The following RBFOX1 variants were observed in gnomAD, a reference collection of about 807,000 sequenced individuals.
RBFOX1 encodes RNA binding fox-1 homolog 1.
In RBFOX1, 8 loss-of-function variants were observed where a neutral mutation model predicts 57.7. That is an observed-to-expected ratio of 0.14 (90% CI 0.08 to 0.25). The LOEUF is 0.25. Ranked by LOEUF, RBFOX1 falls within the 10% of genes least tolerant of loss-of-function variation. RBFOX1 has a pLI of 1.00. For missense variants in RBFOX1, 611 were observed against 548.5 expected, an observed-to-expected ratio of 1.11 and a Z score of -1.14; for synonymous variants, 326 against 222.4, an observed-to-expected ratio of 1.47 and a Z score of -4.15.
At chr16:6,900,424 C>T (rs554057099) in intron 3 of RBFOX1, among the ~76,000 whole-genome samples, 7 of 152,280 alleles carry the variant, frequency 4.6e-5, no homozygotes, top group African/African-American at 1.4e-4. Flanking sequence ...ATCATGCTAC[C>T]ACTATCTGCT....
chr16:7,357,151 C>T (rs1181177195), intron 4 of RBFOX1, among the ~76,000 whole-genome samples: 1 of 151,102 alleles, frequency 6.6e-6, no homozygotes, highest in Non-Finnish European at 1.5e-5. Flanking sequence ...CTGGGGCTAG[C>T]ATGTAGGAAC....
chr16:6,287,795 A>G (rs1291430907), intron 1 of RBFOX1, among the ~76,000 whole-genome samples: 1 of 152,134 alleles, frequency 6.6e-6, no homozygotes, highest in African/African-American at 2.4e-5. Context: ...ACATTTACCT[A>G]TATGTGGAGG....
At chr16:5,843,842 G>A (rs538455562) in intron 3 of RBFOX1, among the ~76,000 whole-genome samples, 1 of 152,200 alleles carries the variant, frequency 6.6e-6, no homozygotes, top group Non-Finnish European at 1.5e-5. Flanking sequence ...ACCAATGAGA[G>A]AACACAAAGA....
chr16:6,747,706 G>C (rs763181300), intron 3 of RBFOX1, among the ~76,000 whole-genome samples: 1 of 152,134 alleles, frequency 6.6e-6, no homozygotes, highest in Non-Finnish European at 1.5e-5. Flanking sequence ...TGCAAAAGCA[G>C]AAATATGTCT....
chr16:5,988,111 T>C (rs2060317977), intron 4 of RBFOX1, among the ~76,000 whole-genome samples: 1 of 152,208 alleles, frequency 6.6e-6, no homozygotes, highest in African/African-American at 2.4e-5. Context: ...CAGACCCGAT[T>C]CAATTCGCAT....
chr16:7,568,141 C>A (rs2092326716), intron 5 of RBFOX1, among the ~76,000 whole-genome samples: 1 of 151,930 alleles, frequency 6.6e-6, no homozygotes, highest in African/African-American at 2.4e-5. Context: ...CGAGGTGAAT[C>A]CATCAAGTGA....
chr16:6,466,613 G>A (rs1304864354), intron 2 of RBFOX1, among the ~76,000 whole-genome samples: 1 of 152,170 alleles, frequency 6.6e-6, no homozygotes, highest in African/African-American at 2.4e-5. Flanking sequence ...TCCATGGGCA[G>A]AATATCACAG....
chr16:7,084,750 G>A lies in RBFOX1; in HGVS notation c.27+32652G>A, dbSNP rs148312972. Among the ~76,000 whole-genome samples the A allele has an allele frequency of 4.5e-3, 684 of 152,340 alleles. 4 individuals are homozygous for A. Among genetic ancestry groups the A allele is most frequent in the African/African-American group, 0.015 (640 of 41,576 alleles). Reference sequence around the variant, plus strand: ...ACCTGTAACTCTCATTGCAGAAAATGAGCATTGAGTGAATGTAAAATGTAC... The same window carrying A: ...ACCTGTAACTCTCATTGCAGAAAATAAGCATTGAGTGAATGTAAAATGTAC... On this transcript the variant is annotated intron_variant, in intron 4 of 15. Coordinates refer to ENST00000550418, the MANE Select transcript of RBFOX1 (RefSeq NM_018723.4).
intron 4 of RBFOX1, among the ~76,000 whole-genome samples, chr16:7,500,980 C>G (rs925511678): frequency 1.3e-5 from 2 of 152,176 alleles, no homozygotes; most frequent in African/African-American, 4.8e-5. Flanking sequence ...CGGCCCTTGT[C>G]CTTCCTGCTG....
intron 3 of RBFOX1, among the ~76,000 whole-genome samples, chr16:6,729,234 C>T (rs1282468461): frequency 6.6e-6 from 1 of 152,088 alleles, no homozygotes; most frequent in Non-Finnish European, 1.5e-5. Flanking sequence ...TTGGGGTCAC[C>T]AGACCCCAGG....
intron 4 of RBFOX1, among the ~76,000 whole-genome samples, chr16:7,161,118 C>A (rs577434842): frequency 1.5e-4 from 23 of 151,624 alleles, no homozygotes; most frequent in African/African-American, 3.9e-4. Flanking sequence ...ACATCAAGAC[C>A]AACCTCTGGG....
chr16:7,165,933 TACACAC>T (rs889669390), intron 4 of RBFOX1, among the ~76,000 whole-genome samples: 15 of 143,262 alleles, frequency 1.0e-4, no homozygotes, highest in South Asian at 7.1e-4. Flanking sequence ...CGCATGCACA[TACACAC>T]ACACACACAC....
chr16:5,971,570 C>G (rs2059962488), intron 4 of RBFOX1, among the ~76,000 whole-genome samples: 1 of 152,202 alleles, frequency 6.6e-6, no homozygotes, highest in Non-Finnish European at 1.5e-5. Context: ...TAAAATCCTG[C>G]TAATGCACTA....
intron 3 of RBFOX1, among the ~76,000 whole-genome samples, chr16:6,724,784 T>G (rs964132426): frequency 7.2e-5 from 11 of 152,140 alleles, no homozygotes; most frequent in African/African-American, 2.7e-4. Context: ...TGTGCAGGTT[T>G]GTTACATAAG....
At chr16:6,452,440 A>T (rs1475983899) in intron 2 of RBFOX1, among the ~76,000 whole-genome samples, 2 of 150,876 alleles carry the variant, frequency 1.3e-5, no homozygotes, top group Middle Eastern at 3.3e-3. Context: ...CCATGACTCC[A>T]TCCATGGCCC....
intron 2 of RBFOX1, among the ~76,000 whole-genome samples, chr16:6,527,971 A>G (rs2096604474): frequency 6.6e-6 from 1 of 152,034 alleles, no homozygotes; most frequent in Non-Finnish European, 1.5e-5. Context: ...GTCATTTCCT[A>G]TTCATGTTTC....
intron 4 of RBFOX1, among the ~76,000 whole-genome samples, chr16:7,213,346 T>A (rs967729535): frequency 2.6e-5 from 4 of 152,104 alleles, no homozygotes; most frequent in Non-Finnish European, 5.9e-5. Flanking sequence ...TAAAGATAAT[T>A]TTAGGAATAC....
chr16:7,604,202 T>C (rs907235962), intron 9 of RBFOX1, among the ~76,000 whole-genome samples: 1 of 152,120 alleles, frequency 6.6e-6, no homozygotes, highest in Non-Finnish European at 1.5e-5. Context: ...ACAGGTTTCA[T>C]GAGTGGGGGG....
At chr16:5,445,233 A>T (rs1294231431) in intron 1 of RBFOX1, among the ~76,000 whole-genome samples, 1 of 152,186 alleles carries the variant, frequency 6.6e-6, no homozygotes, top group Non-Finnish European at 1.5e-5. Flanking sequence ...GACTAATATG[A>T]CAAATATTTA....
Sources: gnomAD v4.1 joint callset for allele counts (sites outside exome capture counted in the v4.1 genomes callset) on GRCh38, gnomAD v4.1.1 for gene constraint, MANE v1.5 for transcripts, NCBI Gene and HGNC (gene_info 2026-07-23, HGNC 2026-07-21) for gene names.